The following TMEM117 variants were observed in gnomAD, a reference collection of about 807,000 sequenced individuals.
TMEM117 encodes transmembrane protein 117.
A neutral mutation model predicts 52.4 loss-of-function variants in TMEM117; 27 were observed. That is an observed-to-expected ratio of 0.51 (90% CI 0.38 to 0.71). The LOEUF is 0.71. TMEM117 is among the 30% of genes least tolerant of loss of function. TMEM117 has a pLI of 0.00. For synonymous variants in TMEM117, 215 were observed against 206.3 expected (o/e 1.04, Z -0.36); for missense variants, 556 against 630.5 (o/e 0.88, Z 1.26).
chr12:43,988,197 T>C (rs1446145389), intron 3 of TMEM117, among the ~76,000 whole-genome samples: 1 of 152,086 alleles, frequency 6.6e-6, no homozygotes, highest in Admixed American at 6.6e-5. Flanking sequence ...TGTGTGGTAA[T>C]AAGCCTTCAC....
intron 4 of TMEM117, among the ~76,000 whole-genome samples, chr12:44,183,048 G>T (rs1282878591): frequency 6.6e-6 from 1 of 151,936 alleles, no homozygotes; most frequent in Non-Finnish European, 1.5e-5. Flanking sequence ...TTTCACACAT[G>T]CATACAGAGG....
chr12:44,115,939 T>C (rs750564173), intron 3 of TMEM117, among the ~76,000 whole-genome samples: 15 of 152,198 alleles, frequency 9.9e-5, no homozygotes, highest in Non-Finnish European at 5.9e-5. Flanking sequence ...TGTTGCCTAG[T>C]TATTGGTGTA....
intron 3 of TMEM117, among the ~76,000 whole-genome samples, chr12:43,965,898 C>T (rs577360615): frequency 5.9e-5 from 9 of 152,276 alleles, no homozygotes; most frequent in Admixed American, 4.6e-4. Context: ...CCTAGCCCCA[C>T]TCCATCTCTC....
intron 3 of TMEM117, among the ~76,000 whole-genome samples, chr12:44,124,607 C>A (rs900394320): frequency 6.6e-6 from 1 of 152,024 alleles, no homozygotes; most frequent in African/African-American, 2.4e-5. Flanking sequence ...GAGTTTTTAA[C>A]GTGAAGAAAT....
intron 4 of TMEM117, among the ~76,000 whole-genome samples, chr12:44,152,785 TCA>T (rs1024327740): frequency 1.1e-4 from 15 of 142,022 alleles, no homozygotes; most frequent in African/African-American, 3.3e-4. Flanking sequence ...AAATATGGTG[TCA>T]CATAAATATA....
At chr12:44,229,513 A>G (rs958514933) in intron 5 of TMEM117, among the ~76,000 whole-genome samples, 3 of 152,108 alleles carry the variant, frequency 2.0e-5, no homozygotes, top group East Asian at 3.8e-4. Flanking sequence ...GTACCATGCT[A>G]CAGGAAAAGA....
intron 2 of TMEM117, among the ~76,000 whole-genome samples, chr12:43,912,511 ATATATATATATAT>A (rs1944527891): frequency 6.3e-5 from 1 of 15,866 alleles, no homozygotes; most frequent in Non-Finnish European, 1.5e-3. Context: ...AATAATTTAT[ATATATATATATAT>A]ATATATATAT....
the TMEM117 span, among the ~76,000 whole-genome samples, chr12:44,399,037 G>T: frequency 6.6e-6 from 1 of 152,014 alleles, no homozygotes; most frequent in Non-Finnish European, 1.5e-5. Context: ...CAAAATCATA[G>T]CATCATTTTG....
intron 6 of TMEM117, among the ~76,000 whole-genome samples, chr12:44,328,047 A>G (rs1356295665): frequency 6.6e-6 from 1 of 152,224 alleles, no homozygotes; most frequent in Non-Finnish European, 1.5e-5. Flanking sequence ...TAATTTGTAA[A>G]TAGTGAACTT....
chr12:44,371,764 A>G (rs1226141057), intron 6 of TMEM117, among the ~76,000 whole-genome samples: 2 of 152,194 alleles, frequency 1.3e-5, no homozygotes, highest in Non-Finnish European at 2.9e-5. Flanking sequence ...TTATGAATCC[A>G]AGATATCCTG....
intron 6 of TMEM117, among the ~76,000 whole-genome samples, chr12:44,361,912 T>C (rs1951726469): frequency 6.6e-6 from 1 of 152,212 alleles, no homozygotes; most frequent in African/African-American, 2.4e-5. Context: ...CTTTCTAGAC[T>C]GTGCTCTAAA....
chr12:43,804,477 T>C, the TMEM117 span: 38 of 1,501,742 alleles, frequency 2.5e-5, no homozygotes, highest in African/African-American at 4.0e-4. Flanking sequence ...AGAAAATATT[T>C]TAAAATATTT....
chr12:44,197,185 C>T (rs1290513556), intron 4 of TMEM117, among the ~76,000 whole-genome samples: 4 of 151,992 alleles, frequency 2.6e-5, no homozygotes, highest in South Asian at 2.1e-4. Context: ...ATTTATTTTC[C>T]CTTTGAGAAA....
At chr12:44,074,284 A>G (rs532404424) in intron 3 of TMEM117, among the ~76,000 whole-genome samples, 9 of 152,286 alleles carry the variant, frequency 5.9e-5, no homozygotes, top group African/African-American at 2.2e-4. Context: ...TAATTAGACT[A>G]AGACATTAAG....
At chr12:43,948,576 C>G (rs1945171631) in intron 3 of TMEM117, among the ~76,000 whole-genome samples, 1 of 152,098 alleles carries the variant, frequency 6.6e-6, no homozygotes, top group Admixed American at 6.5e-5. Flanking sequence ...AAGAGAACCT[C>G]CTTTATTCTT....
intron 3 of TMEM117, among the ~76,000 whole-genome samples, chr12:44,003,229 G>T (rs533216113): frequency 2.0e-5 from 3 of 152,150 alleles, no homozygotes; most frequent in African/African-American, 7.2e-5. Context: ...GGAGGAAGAG[G>T]TTTCTTGGGA....
At chr12:44,292,649 C>T (rs1029710464) in intron 5 of TMEM117, among the ~76,000 whole-genome samples, 5 of 151,862 alleles carry the variant, frequency 3.3e-5, no homozygotes, top group South Asian at 4.2e-4. Flanking sequence ...AGTTTGGGTA[C>T]GTTCTGTTTT....
rs1947615265 is a variant in TMEM117, at chr12:44,088,808, C to T, written c.411-54717C>T. 3.9e-5 allele frequency among the ~76,000 whole-genome samples: 6 copies of T among 152,298 alleles called. No homozygotes were observed. The South Asian group carries it at 1.2e-3, about 32-fold the overall frequency. On this transcript the variant is annotated intron_variant, in intron 3 of 7. Coordinates refer to ENST00000266534, the MANE Select transcript of TMEM117 (RefSeq NM_032256.3). ...CTATACCACTCAGGGTCACTGGATA[C>T]TTGAACAGACTTGCCAAATCTTTCC...
intron 2 of TMEM117, among the ~76,000 whole-genome samples, chr12:43,869,599 C>T (rs1534806): frequency 1 from 152,356 of 152,370 alleles, 76,171 homozygotes; most frequent in Non-Finnish European, 1. Flanking sequence ...TCATTTTCTC[C>T]CTGTACTGTG....
Sources: gnomAD v4.1 joint callset for allele counts (sites outside exome capture counted in the v4.1 genomes callset) on GRCh38, gnomAD v4.1.1 for gene constraint, MANE v1.5 for transcripts, NCBI Gene and HGNC (gene_info 2026-07-23, HGNC 2026-07-21) for gene names.